Variants in PRKAG2 observed in about 807,000 individuals in gnomAD.
The protein encoded by PRKAG2 is 5'-AMP-activated protein kinase subunit gamma-2.
A neutral mutation model predicts 69.6 loss-of-function variants in PRKAG2; 26 were observed. The ratio of observed to expected loss-of-function variants is 0.37; its 90% CI spans 0.27 to 0.52. The LOEUF is 0.52. PRKAG2 is among the 20% of genes least tolerant of loss of function. The pLI, the probability that PRKAG2 is intolerant of heterozygous loss-of-function variation, is 0.90. For synonymous variants in PRKAG2, 293 were observed against 285.0 expected, an observed-to-expected ratio of 1.03 and a Z score of -0.28; for missense variants, 557 against 740.0, an observed-to-expected ratio of 0.75 and a Z score of 2.87.
chr7:151,579,856 G>A (rs1220008819), intron 6 of PRKAG2, among the ~76,000 whole-genome samples: 2 of 152,124 alleles, frequency 1.3e-5, no homozygotes, highest in Non-Finnish European at 2.9e-5. Context: ...CAGGCTGACG[G>A]CTGACTTTCC....
At chr7:151,796,831 C>T (rs1036979617) in intron 1 of PRKAG2, among the ~76,000 whole-genome samples, 2 of 152,120 alleles carry the variant, frequency 1.3e-5, no homozygotes, top group East Asian at 3.9e-4. Context: ...CATCCTGATG[C>T]GCCACCTCCA....
At chr7:151,847,264 A>G (rs965338172) in intron 1 of PRKAG2, among the ~76,000 whole-genome samples, 3 of 152,180 alleles carry the variant, frequency 2.0e-5, no homozygotes, top group African/African-American at 7.2e-5. Context: ...TACAGTGAAG[A>G]ATATTCCTCT....
At chr7:151,587,169 C>T (rs1585062254) in intron 6 of PRKAG2, among the ~76,000 whole-genome samples, 2 of 152,138 alleles carry the variant, frequency 1.3e-5, no homozygotes, top group African/African-American at 4.8e-5. Flanking sequence ...TGGCAAACAG[C>T]CACTTATTTG....
At chr7:151,787,975 G>A (rs1384808810) in intron 1 of PRKAG2, among the ~76,000 whole-genome samples, 3 of 152,194 alleles carry the variant, frequency 2.0e-5, no homozygotes, top group African/African-American at 7.2e-5. Context: ...CTAGCCTCCA[G>A]AATCATGAGA....
Position 151,719,894 on chromosome 7 carries a change from C to A in PRKAG2, c.467-44257G>T, listed in dbSNP as rs562528517. On this transcript the variant is annotated intron_variant, in intron 3 of 15. Coordinates refer to ENST00000287878, the MANE Select transcript of PRKAG2 (RefSeq NM_016203.4). The surrounding 1 kb of genome is among the most constrained non-coding windows in gnomAD (Gnocchi z 5.2). ...AGGTAGTTCTGTTATTTCACTGAGG[C>A]CGCCACATTCAATCTGCACCTTCCC... Among the ~76,000 whole-genome samples, 3 of 152,174 alleles carry A rather than the reference C, an allele frequency of 2.0e-5. No homozygotes were observed. The East Asian group carries it at 5.8e-4, about 29-fold the overall frequency.
At chr7:151,862,105 CT>C (rs1422364813) in intron 1 of PRKAG2, among the ~76,000 whole-genome samples, 5 of 152,096 alleles carry the variant, frequency 3.3e-5, no homozygotes, top group Non-Finnish European at 7.4e-5. Flanking sequence ...CCCCCGGGCT[CT>C]GCATTGCATG....
intron 1 of PRKAG2, among the ~76,000 whole-genome samples, chr7:151,831,063 A>T (rs150186482): frequency 6.6e-6 from 1 of 152,138 alleles, no homozygotes; most frequent in Non-Finnish European, 1.5e-5. Flanking sequence ...CAGCTAGAAC[A>T]TAAGAGAGAC....
intron 9 of PRKAG2, 125 bp from the exon 10 acceptor site, chr7:151,570,350 A>G: frequency 9.0e-7 from 1 of 1,113,728 alleles, no homozygotes; most frequent in Non-Finnish European, 1.3e-6. Context: ...AATAAAAAGA[A>G]ATTTAATTTG....
chr7:151,613,533 T>C (rs1819369109), intron 5 of PRKAG2, among the ~76,000 whole-genome samples: 1 of 152,208 alleles, frequency 6.6e-6, no homozygotes, highest in Admixed American at 6.5e-5. Flanking sequence ...AGTCTCGTTC[T>C]GTCACCCAGG....
At chr7:151,739,134 C>T (rs28416498) in intron 3 of PRKAG2, among the ~76,000 whole-genome samples, 23,646 of 152,196 alleles carry the variant, frequency 0.16, 6,080 homozygotes, top group African/African-American at 0.53. Flanking sequence ...TGCTCGGCCC[C>T]GGCATGGCTC....
At chr7:151,766,608 G>T (rs2075746320) in intron 3 of PRKAG2, among the ~76,000 whole-genome samples, 1 of 152,242 alleles carries the variant, frequency 6.6e-6, no homozygotes, top group Non-Finnish European at 1.5e-5. Flanking sequence ...GACTGGGGAT[G>T]ACCTATGCCC....
chr7:151,621,337 G>A (rs1164716666), intron 5 of PRKAG2, among the ~76,000 whole-genome samples: 1 of 152,168 alleles, frequency 6.6e-6, no homozygotes, highest in African/African-American at 2.4e-5. Flanking sequence ...AGAATGGTAT[G>A]CTCTTCTGTA....
At chr7:151,874,535 T>C (rs1223215447) in intron 1 of PRKAG2, among the ~76,000 whole-genome samples, 1 of 150,440 alleles carries the variant, frequency 6.6e-6, no homozygotes, top group Non-Finnish European at 1.5e-5. Flanking sequence ...GATGTATATG[T>C]ATATGTATAT....
At chr7:151,623,915 G>C (rs953490439) in intron 5 of PRKAG2, among the ~76,000 whole-genome samples, 22 of 152,098 alleles carry the variant, frequency 1.4e-4, no homozygotes, top group African/African-American at 5.3e-4. Context: ...TGTGTGTACT[G>C]GGGAGGAGGT....
At chr7:151,703,848 ACACACAC>A (rs1838137820) in intron 3 of PRKAG2, among the ~76,000 whole-genome samples, 18 of 21,310 alleles carry the variant, frequency 8.4e-4, no homozygotes, top group African/African-American at 3.3e-3. Flanking sequence ...ACTGGAAAAC[ACACACAC>A]ACACACACAC....
rs749828114 is a variant in PRKAG2 at position 151,814,849 on chromosome 7, C to G, written c.115-28308G>C. On this transcript the variant is annotated intron_variant, in intron 1 of 15. Transcript: ENST00000287878. The surrounding 1 kb of genome is among the most constrained non-coding windows in gnomAD (Gnocchi z 4.8). ...AGCAAACTGTCATTCCCACCTGTGT[C>G]AGGCGCTGCTGGGGAGGAAACTCCT... 1 of 1,231,772 alleles carries G rather than the reference C, an allele frequency of 8.1e-7. No homozygotes were observed. Among genetic ancestry groups the G allele is most frequent in the Non-Finnish European group, 1.0e-6 (1 of 988,000 alleles). 76.3% of individuals were successfully genotyped at this position (1,231,772 alleles called of 1,614,324 possible).
intron 3 of PRKAG2, among the ~76,000 whole-genome samples, chr7:151,676,857 G>C (rs4726082): frequency 0.17 from 25,458 of 152,184 alleles, 2,484 homozygotes; most frequent in African/African-American, 0.26. Context: ...AAGAGACACA[G>C]AAACGGATAC....
chr7:151,627,045 T>A (rs1486035583), intron 5 of PRKAG2, among the ~76,000 whole-genome samples: 5 of 152,138 alleles, frequency 3.3e-5, no homozygotes, highest in Non-Finnish European at 5.9e-5. Context: ...TGATTATTGG[T>A]TGCTTTGGGG....
At chr7:151,669,092 A>T (rs569580135) in intron 4 of PRKAG2, among the ~76,000 whole-genome samples, 1 of 152,314 alleles carries the variant, frequency 6.6e-6, no homozygotes, top group Admixed American at 6.5e-5. Flanking sequence ...TTTCCTTTGT[A>T]AGACGGGAAT....
Sources: gnomAD v4.1 joint callset for allele counts (sites outside exome capture counted in the v4.1 genomes callset) on GRCh38, gnomAD v4.1.1 for gene constraint, Gnocchi (gnomAD v3.1) non-coding constraint, MANE v1.5 for transcripts, NCBI Gene and HGNC (gene_info 2026-07-23, HGNC 2026-07-21) for gene names.